The following PDXDC1 variants were observed in gnomAD, a reference collection of about 807,000 sequenced individuals.
The protein encoded by PDXDC1 is pyridoxal-dependent decarboxylase domain-containing protein 1.
Under a neutral mutation model 100.1 loss-of-function variants are expected in PDXDC1, and 42 were observed. The observed-to-expected ratio is 0.42, with a 90% CI of 0.33 to 0.54. The LOEUF (loss-of-function observed/expected upper bound fraction) is 0.54. PDXDC1 is among the 20% of genes least tolerant of loss of function. PDXDC1 has a pLI of 0.10. For synonymous variants in PDXDC1, 260 were observed against 371.7 expected, an observed-to-expected ratio of 0.70 and a Z score of 3.46; for missense variants, 636 against 979.2, an observed-to-expected ratio of 0.65 and a Z score of 4.68.
At chr16:15,135,718 G>A (rs1459793368) in intron 16 of PDXDC1, 29 of 1,594,848 alleles carry the variant, frequency 1.8e-5, no homozygotes, top group East Asian at 2.2e-5. Flanking sequence ...GGTTGGGGTC[G>A]TAGGACTCGC....
At chr16:15,015,033 G>A (rs1442759989) in intron 8 of PDXDC1, among the ~76,000 whole-genome samples, 4 of 152,270 alleles carry the variant, frequency 2.6e-5, no homozygotes, top group African/African-American at 9.6e-5. Context: ...TGCCTCCCAG[G>A]TTCACGCCAT....
At chr16:15,069,771 C>G (rs2045143127) in intron 16 of PDXDC1, among the ~76,000 whole-genome samples, 1 of 152,226 alleles carries the variant, frequency 6.6e-6, no homozygotes, top group Non-Finnish European at 1.5e-5. Context: ...GGCGCTGGCA[C>G]AGCCCAGGGC....
intron 16 of PDXDC1, chr16:15,125,472 G>A: frequency 1.1e-6 from 1 of 918,598 alleles, no homozygotes; most frequent in South Asian, 1.3e-5. Context: ...ACCCAGCAAG[G>A]ACACGCAGCC....
At chr16:15,147,921 G>C in the PDXDC1 span, among the ~76,000 whole-genome samples, 1 of 152,008 alleles carries the variant, frequency 6.6e-6, no homozygotes, top group Admixed American at 6.6e-5. Flanking sequence ...TCCTGACCTT[G>C]TGATCCCCCC....
intron 1 of PDXDC1, among the ~76,000 whole-genome samples, chr16:14,981,431 A>C (rs1426370270): frequency 6.6e-6 from 1 of 152,302 alleles, no homozygotes; most frequent in Non-Finnish European, 1.5e-5. Context: ...CTAGTTAAAC[A>C]CTGCCTATAA....
intron 1 of PDXDC1, among the ~76,000 whole-genome samples, chr16:14,993,801 C>G (rs1432280599): frequency 6.6e-6 from 1 of 152,302 alleles, no homozygotes; most frequent in Non-Finnish European, 1.5e-5. Context: ...CTCTCCAGCA[C>G]CTGTTGTTTC....
At chr16:14,981,518 G>C (rs1431740814) in intron 1 of PDXDC1, among the ~76,000 whole-genome samples, 1 of 152,298 alleles carries the variant, frequency 6.6e-6, no homozygotes. Context: ...ATAAAGGTGT[G>C]ATTCCAGGTA....
At chr16:15,034,856 G>GC (rs974476123) in intron 21 of PDXDC1, among the ~76,000 whole-genome samples, 8 of 152,214 alleles carry the variant, frequency 5.3e-5, no homozygotes, top group African/African-American at 1.9e-4. Flanking sequence ...GGGCATTTTG[G>GC]TTCAGGGTTA....
At chr16:15,074,807 G>GCATCT in intron 16 of PDXDC1, 1 of 1,613,904 alleles carries the variant, frequency 6.2e-7, no homozygotes, top group Non-Finnish European at 8.5e-7. Flanking sequence ...TGCACCATCT[G>GCATCT]GTCGAGCCGT....
rs184908891 is a variant in PDXDC1 at position 15,031,701 on chromosome 16, G to A, written c.1400-34G>A. ...CTGCCCTCTTGTCATTGGCCATCTC[G>A]TGAGCATTTCTCTGACATTGTGAAC... On this transcript the variant is annotated intron_variant, in intron 16 of 22. Transcript: ENST00000396410. The A allele has an allele frequency of 2.3e-4, 363 of 1,585,578 alleles. No homozygotes were observed. In the African/African-American group the frequency reaches 4.0e-3, roughly 18 times the overall value.
intron 8 of PDXDC1, among the ~76,000 whole-genome samples, chr16:15,015,212 A>T (rs1226907359): frequency 6.6e-6 from 1 of 152,246 alleles, no homozygotes; most frequent in Non-Finnish European, 1.5e-5. Context: ...GAGTGCTGGG[A>T]TTACAGATGT....
chr16:15,133,636 C>T (rs1452968252), intron 16 of PDXDC1: 1 of 1,349,888 alleles, frequency 7.4e-7, no homozygotes, highest in African/African-American at 1.4e-5. Context: ...CGCAGTGGCC[C>T]TGGCGACAGC....
intron 16 of PDXDC1, chr16:15,104,714 G>T: frequency 1.9e-6 from 3 of 1,597,476 alleles, no homozygotes; most frequent in Non-Finnish European, 2.5e-6. Context: ...AGGGCCAGCA[G>T]GGCAATCCTG....
chr16:15,102,005 T>C (rs1205826471), intron 16 of PDXDC1, among the ~76,000 whole-genome samples: 2 of 151,974 alleles, frequency 1.3e-5, no homozygotes, highest in African/African-American at 2.4e-5. Context: ...CGTGCCACCA[T>C]GCCTGGCTAA....
At chr16:15,136,347 C>T (rs2048346126) in intron 16 of PDXDC1, among the ~76,000 whole-genome samples, 2 of 152,156 alleles carry the variant, frequency 1.3e-5, no homozygotes, top group African/African-American at 2.4e-5. Context: ...GGCCACCTCC[C>T]GTATGGCGTG....
intron 1 of PDXDC1, among the ~76,000 whole-genome samples, chr16:14,991,896 C>T (rs1364744114): frequency 6.6e-6 from 1 of 152,268 alleles, no homozygotes; most frequent in Non-Finnish European, 1.5e-5. Flanking sequence ...ATTTAGAGAA[C>T]AGTATGTTGA....
chr16:15,032,668 A>AAAAAAAAAAG (rs57542228), intron 17 of PDXDC1, 193 bp from the exon 18 acceptor site: 27 of 380,172 alleles, frequency 7.1e-5, no homozygotes, highest in East Asian at 3.5e-4. Context: ...AAAAAAAAAA[A>AAAAAAAAAAG]AGGCTTTCCT....
At chr16:15,005,241 C>T (rs1189326258) in intron 5 of PDXDC1, among the ~76,000 whole-genome samples, 1 of 152,010 alleles carries the variant, frequency 6.6e-6, no homozygotes, top group African/African-American at 2.4e-5. Flanking sequence ...CACCTGTAGT[C>T]CCAGCTCCTC....
chr16:15,071,537 G>A (rs1489346157), intron 16 of PDXDC1, among the ~76,000 whole-genome samples: 1 of 152,228 alleles, frequency 6.6e-6, no homozygotes, highest in Non-Finnish European at 1.5e-5. Flanking sequence ...GGAGGCCGAG[G>A]CGGGTGGATC....
Sources: gnomAD v4.1 joint callset for allele counts (sites outside exome capture counted in the v4.1 genomes callset) on GRCh38, gnomAD v4.1.1 for gene constraint, MANE v1.5 for transcripts, NCBI Gene and HGNC (gene_info 2026-07-23, HGNC 2026-07-21) for gene names.